USH2A: variants seen among roughly 807,000 people sequenced by gnomAD.
USH2A encodes Usher syndrome 2A (autosomal recessive, mild).
A neutral mutation model predicts 538.9 loss-of-function variants in USH2A; 443 were observed. The ratio of observed to expected loss-of-function variants is 0.82; its 90% CI spans 0.76 to 0.89. The LOEUF (loss-of-function observed/expected upper bound fraction) is 0.89. Ranked by LOEUF, USH2A falls within the 40% of genes least tolerant of loss-of-function variation. The pLI is 0.00. For synonymous variants in USH2A, 2,413 were observed against 2,273.5 expected (o/e 1.06, Z -1.75); for missense variants, 6,633 against 6,324.8 (o/e 1.05, Z -1.65).
intron 50 of USH2A, among the ~76,000 whole-genome samples, chr1:215,790,594 G>A (rs1035750987): frequency 6.6e-6 from 1 of 152,160 alleles, no homozygotes; most frequent in African/African-American, 2.4e-5. Context: ...CGCATTTTGT[G>A]ATGATAACAT....
intron 71 of USH2A, among the ~76,000 whole-genome samples, chr1:215,628,483 A>G (rs1386726702): frequency 6.6e-6 from 1 of 152,094 alleles, no homozygotes; most frequent in Admixed American, 6.5e-5. Context: ...GGGTTTCACC[A>G]TGTTGGCCAG....
chr1:216,127,037 C>T (rs530247105), intron 21 of USH2A, among the ~76,000 whole-genome samples: 1 of 152,306 alleles, frequency 6.6e-6, no homozygotes, highest in South Asian at 2.1e-4. Context: ...TCGGATACAA[C>T]TATCTTAGCT....
At chr1:215,931,443 G>C (rs1442528804) in intron 38 of USH2A, among the ~76,000 whole-genome samples, 1 of 151,826 alleles carries the variant, frequency 6.6e-6, no homozygotes. Flanking sequence ...CCACTATAGG[G>C]AAGAATAAAA....
rs2031626504 is a variant in USH2A at position 216,073,294 on chromosome 1, C to T, written c.5579G>A (p.Gly1860Asp). Residue 1860 changes from glycine (G) to aspartate (D), a missense_variant, in exon 28 of 72, where the codon GGT becomes GAT. By Grantham distance (94) the Gly-to-Asp change is moderately conservative. Transcript: ENST00000307340. Reference protein sequence around the residue: ...YQHLCLEQGFGGCMKDVKFTR... With the variant: ...YQHLCLEQGFDGCMKDVKFTR... ...AAATTTAACATCCTTCATGCAACCA[C>T]CGAAACCTAGCAAATAGTAAGGGAT... is the stretch of plus-strand genomic sequence containing the variant. 6.2e-7 allele frequency: 1 copy of T among 1,612,568 alleles called. No individual in the cohort carries two copies. Among genetic ancestry groups the T allele is most frequent in the South Asian group, 1.1e-5 (1 of 90,928 alleles).
chr1:215,877,225 C>T (rs1664794208), intron 43 of USH2A, among the ~76,000 whole-genome samples: 1 of 152,100 alleles, frequency 6.6e-6, no homozygotes, highest in South Asian at 2.1e-4. Flanking sequence ...CCTAACTCTC[C>T]CATGTAGCAC....
intron 21 of USH2A, among the ~76,000 whole-genome samples, chr1:216,131,027 T>C (rs1420281598): frequency 2.0e-5 from 3 of 152,020 alleles, no homozygotes; most frequent in Admixed American, 6.6e-5. Flanking sequence ...TGGTACTGTG[T>C]CGTGGTTTTG....
At chr1:216,289,142 A>G in intron 11 of USH2A, 138 bp downstream of exon 11, 27 of 1,304,452 alleles carry the variant, frequency 2.1e-5, no homozygotes, top group Non-Finnish European at 2.6e-5. Flanking sequence ...GCACACGAAC[A>G]ACCATCTCTT....
chr1:215,662,571 C>A (rs1340253068), intron 64 of USH2A, among the ~76,000 whole-genome samples: 1 of 152,190 alleles, frequency 6.6e-6, no homozygotes, highest in Admixed American at 6.5e-5. Context: ...CCCGTGGGAA[C>A]AAAAGGCTCG....
At chr1:215,680,460 T>C (rs1016166207) in intron 61 of USH2A, 84 bp from the exon 62 acceptor site, 12 of 1,388,914 alleles carry the variant, frequency 8.6e-6, no homozygotes, top group African/African-American at 1.4e-5. Flanking sequence ...CTGAACCTCA[T>C]GGCCAAAGCT....
At chr1:215,831,284 C>A (rs925206294) in intron 47 of USH2A, among the ~76,000 whole-genome samples, 1 of 152,100 alleles carries the variant, frequency 6.6e-6, no homozygotes, top group African/African-American at 2.4e-5. Context: ...CAACACCATT[C>A]TCACAATAAC....
chr1:216,403,030 T>C (rs925962849), intron 3 of USH2A, among the ~76,000 whole-genome samples: 2 of 152,072 alleles, frequency 1.3e-5, no homozygotes, highest in African/African-American at 4.8e-5. Context: ...GAAGAGCAAA[T>C]CAATTCAGCA....
At chr1:215,790,536 C>T (rs1476794168) in intron 50 of USH2A, among the ~76,000 whole-genome samples, 1 of 152,330 alleles carries the variant, frequency 6.6e-6, no homozygotes, top group South Asian at 2.1e-4. Flanking sequence ...CCAAACTTCT[C>T]TCATGCTCCA....
At chr1:215,742,751 A>T (rs1660341182) in intron 59 of USH2A, among the ~76,000 whole-genome samples, 1 of 152,226 alleles carries the variant, frequency 6.6e-6, no homozygotes, top group Non-Finnish European at 1.5e-5. Flanking sequence ...ACTATAAAAT[A>T]TATAGGATTC....
intron 58 of USH2A, 71 bp from the exon 59 acceptor site, chr1:215,743,406 G>GC: frequency 2.1e-6 from 1 of 471,518 alleles, no homozygotes; most frequent in South Asian, 2.6e-5. Flanking sequence ...GTGTGTGTGT[G>GC]TGTGTGTGTG....
chr1:215,651,276 C>T (rs868149785), intron 64 of USH2A, among the ~76,000 whole-genome samples: 4 of 152,112 alleles, frequency 2.6e-5, no homozygotes, highest in Admixed American at 2.6e-4. Flanking sequence ...TATCAAGAAC[C>T]ATTTGTATAA....
intron 9 of USH2A, among the ~76,000 whole-genome samples, chr1:216,321,489 C>T (rs1203455354): frequency 2.0e-5 from 3 of 152,114 alleles, no homozygotes; most frequent in South Asian, 2.1e-4. Flanking sequence ...CTTCATCTAA[C>T]GATGCTTTTG....
intron 67 of USH2A, among the ~76,000 whole-genome samples, chr1:215,643,850 C>A (rs1656767308): frequency 6.6e-6 from 1 of 152,052 alleles, no homozygotes; most frequent in Non-Finnish European, 1.5e-5. Context: ...AATCTTAAAT[C>A]AGTTCACTTT....
intron 11 of USH2A, among the ~76,000 whole-genome samples, chr1:216,265,187 C>A (rs569498608): frequency 6.6e-6 from 1 of 151,802 alleles, no homozygotes; most frequent in Non-Finnish European, 1.5e-5. Context: ...AAAACAGGTG[C>A]AAATGGTCTG....
chr1:215,635,112 T>C (rs1024023885), intron 69 of USH2A, among the ~76,000 whole-genome samples: 2 of 152,208 alleles, frequency 1.3e-5, no homozygotes, highest in African/African-American at 4.8e-5. Context: ...CTTACTATTA[T>C]TGCTGCAGAG....
Sources: allele counts gnomAD v4.1 joint callset (sites outside exome capture counted in the v4.1 genomes callset), GRCh38; gene constraint gnomAD v4.1.1; transcripts MANE v1.5; gene names NCBI Gene and HGNC (gene_info 2026-07-23, HGNC 2026-07-21).